CDC14B: variants seen among roughly 807,000 people sequenced by gnomAD.
CDC14B encodes the protein dual specificity protein phosphatase CDC14B.
CDC14B carries 22 observed loss-of-function variants against 64.2 expected under a neutral mutation model. The observed-to-expected ratio is 0.34, with a 90% CI of 0.24 to 0.49. The LOEUF is 0.49. Among genes scored for constraint, CDC14B ranks in the 20% least tolerant of loss-of-function variants. CDC14B has a pLI of 0.99. For synonymous variants in CDC14B, 191 were observed against 215.8 expected (o/e 0.89, Z 1.01); for missense variants, 498 against 629.9 (o/e 0.79, Z 2.24).
At chr9:96,533,071 AT>A (rs2131705734) in intron 9 of CDC14B, among the ~76,000 whole-genome samples, 1 of 152,034 alleles carries the variant, frequency 6.6e-6, no homozygotes, top group East Asian at 1.9e-4. Context: ...GGTTCAAGTG[AT>A]TTTTGTGCCT....
At chr9:96,597,050 G>A (rs1341841520) in intron 1 of CDC14B, among the ~76,000 whole-genome samples, 6 of 152,012 alleles carry the variant, frequency 3.9e-5, no homozygotes, top group Non-Finnish European at 8.8e-5. Context: ...TCAAGCACAC[G>A]AAACATAAAG....
intron 9 of CDC14B, among the ~76,000 whole-genome samples, chr9:96,531,582 C>A (rs1301292792): frequency 2.6e-5 from 4 of 151,920 alleles, no homozygotes; most frequent in African/African-American, 9.7e-5. Context: ...AAAGAACCAA[C>A]CCTTGGTTTT....
At chr9:96,495,126 G>C (rs1000916169), downstream of CDC14B, among the ~76,000 whole-genome samples, 1 of 151,966 alleles carries the variant, frequency 6.6e-6, no homozygotes, top group East Asian at 1.9e-4. Context: ...GAGCCACCGC[G>C]CCTGGCCTGA....
chr9:96,565,336 A>G (rs898244814), intron 2 of CDC14B, 57 bp downstream of exon 2: 1 of 1,063,294 alleles, frequency 9.4e-7, no homozygotes, highest in Non-Finnish European at 1.4e-6. Context: ...ATTTATAACC[A>G]TACCTTTAGA....
chr9:96,494,420 G>A (rs1015140401), intron 13 of CDC14B, among the ~76,000 whole-genome samples: 5 of 152,340 alleles, frequency 3.3e-5, no homozygotes, highest in South Asian at 2.1e-4. Context: ...GAGGGCCCAC[G>A]CTCAGGTATT....
At chr9:96,618,397 TC>T in intron 1 of CDC14B, 1 of 482,182 alleles carries the variant, frequency 2.1e-6, no homozygotes. Flanking sequence ...TCACTGTCAA[TC>T]CCAGCAAACC....
chr9:96,558,055 GAC>G (rs1273374358), intron 4 of CDC14B, among the ~76,000 whole-genome samples: 2 of 152,188 alleles, frequency 1.3e-5, no homozygotes, highest in African/African-American at 4.8e-5. Flanking sequence ...AAAGTTGAAA[GAC>G]AAATACCATT....
Position 96,619,310 on chromosome 9 carries a change from C to A in CDC14B, c.69G>T (p.Ser23=). 2 of 1,309,098 alleles carry A rather than the reference C, an allele frequency of 1.5e-6. No individual in the cohort carries two copies. The highest frequency in any genetic ancestry group is 1.5e-5 in the African/African-American group (1 of 65,766). The allele number at this position is 1,309,098 out of a possible 1,614,324, so 81.1% of individuals were successfully genotyped here. A position where few individuals can be genotyped will look rare whatever the true frequency, so the allele number is the denominator to read the frequency against. ...AAPPCSRRCS[S]TSPGVKKIRS... is the part of the protein sequence containing the mutation. ...GGATCTTCTTCACACCCGGCGAGGT[C>A]GACGAGCAGCGCCGCGAGCAGGGGG... is the stretch of plus-strand genomic sequence containing the variant. Residue 23 remains serine, a synonymous_variant, in exon 1 of 14, where the codon TCG becomes TCT. Transcript: ENST00000375241.
intron 1 of CDC14B, among the ~76,000 whole-genome samples, chr9:96,583,175 G>C (rs367930145): frequency 6.6e-6 from 1 of 152,052 alleles, no homozygotes; most frequent in Non-Finnish European, 1.5e-5. Flanking sequence ...AATAATCCCT[G>C]TAAGAAATGG....
intron 1 of CDC14B, among the ~76,000 whole-genome samples, chr9:96,606,424 T>A (rs1394407485): frequency 6.6e-6 from 1 of 151,608 alleles, no homozygotes; most frequent in Non-Finnish European, 1.5e-5. Flanking sequence ...TGCTCATGCT[T>A]GTAATCCAAG....
At chr9:96,577,197 G>A (rs1216407047) in intron 1 of CDC14B, among the ~76,000 whole-genome samples, 1 of 150,116 alleles carries the variant, frequency 6.7e-6, no homozygotes, top group Non-Finnish European at 1.5e-5. Context: ...GTTGCAGTGA[G>A]CAGAGATCAC....
intron 1 of CDC14B, chr9:96,566,787 C>T: frequency 6.2e-7 from 1 of 1,607,902 alleles, no homozygotes; most frequent in Non-Finnish European, 8.5e-7. Flanking sequence ...CCTCGGCTAC[C>T]AAAGCTGCCC....
At chr9:96,517,662 A>AAAG (rs1564218309) in intron 12 of CDC14B, among the ~76,000 whole-genome samples, 14 of 144,302 alleles carry the variant, frequency 9.7e-5, no homozygotes, top group East Asian at 4.1e-4. Context: ...AAAAAAAAAA[A>AAAG]AAGAAGAAGA....
Position 96,619,417 on chromosome 9 carries a change from C to G in CDC14B, c.-39G>C. ...GCCCGTCAGGGGGCCACGACCATGG[C>G]CCCGCGCGCCCGCGCGCCCGCCGAG... On this transcript the variant is annotated 5_prime_UTR_variant, in exon 1 of 14. Transcript: ENST00000375241. The G allele has an allele frequency of 8.9e-7, 1 of 1,123,172 alleles. No individual in the cohort carries two copies. The highest frequency in any genetic ancestry group is 1.1e-6 in the Non-Finnish European group (1 of 919,030). 69.6% of individuals were successfully genotyped at this position (1,123,172 alleles called of 1,614,324 possible).
At chr9:96,496,937 G>A (rs16910981), downstream of CDC14B, among the ~76,000 whole-genome samples, 1 of 152,246 alleles carries the variant, frequency 6.6e-6, no homozygotes, top group African/African-American at 2.4e-5. Context: ...GGCCTGGACC[G>A]TCCGGTGGCA....
At chr9:96,540,475 A>T (rs1839889729) in intron 6 of CDC14B, among the ~76,000 whole-genome samples, 1 of 152,202 alleles carries the variant, frequency 6.6e-6, no homozygotes, top group South Asian at 2.1e-4. Flanking sequence ...TCCACAAAAA[A>T]TATAAAAATT....
chr9:96,568,538 C>T (rs1844273080), intron 1 of CDC14B, among the ~76,000 whole-genome samples: 1 of 152,168 alleles, frequency 6.6e-6, no homozygotes, highest in African/African-American at 2.4e-5. Context: ...GCACTCACAT[C>T]CGTCACCTGT....
chr9:96,523,302 T>C lies in CDC14B; in HGVS notation c.1204A>G (p.Ile402Val). The C allele has an allele frequency of 6.2e-7, 1 of 1,614,176 alleles. No individual in the cohort carries two copies. Among genetic ancestry groups the C allele is most frequent in the Non-Finnish European group, 8.5e-7 (1 of 1,180,028 alleles). Residue 402 changes from isoleucine (I) to valine (V), a missense_variant, in exon 11 of 14, where the codon ATA (isoleucine) becomes GTA (valine). Transcript: ENST00000375241. ...KLLSGVDDIS[I>V]NGVENQDQQE... ...TGATCTTGATTCTCGACCCCATTTA[T>C]GGAAATGTCATCAACGCCAGAGAGA... is the stretch of plus-strand genomic sequence containing the variant.
chr9:96,606,440 T>C (rs973693778), intron 1 of CDC14B, among the ~76,000 whole-genome samples: 2 of 151,524 alleles, frequency 1.3e-5, no homozygotes, highest in African/African-American at 4.9e-5. Context: ...CCAAGTACTT[T>C]GGGAAGCCTG....
Sources: gnomAD v4.1 joint callset for allele counts (sites outside exome capture counted in the v4.1 genomes callset) on GRCh38, gnomAD v4.1.1 for gene constraint, MANE v1.5 for transcripts, NCBI Gene and HGNC (gene_info 2026-07-23, HGNC 2026-07-21) for gene names.